Variants in HS3ST2 observed in about 807,000 individuals in gnomAD.
HS3ST2 encodes heparan sulfate-glucosamine 3-sulfotransferase 2, also known as heparan sulfate glucosamine 3-O-sulfotransferase 2.
Under a neutral mutation model 26.3 loss-of-function variants are expected in HS3ST2, and 17 were observed. The ratio of observed to expected loss-of-function variants is 0.65; its 90% CI spans 0.44 to 0.97. The LOEUF (loss-of-function observed/expected upper bound fraction) is 0.97. Among genes scored for constraint, HS3ST2 ranks in the 50% least tolerant of loss-of-function variants. HS3ST2 has a pLI of 0.00. For synonymous variants in HS3ST2, 237 were observed against 219.2 expected (o/e 1.08, Z -0.72); for missense variants, 402 against 501.2 (o/e 0.80, Z 1.89).
intron 1 of HS3ST2, among the ~76,000 whole-genome samples, chr16:22,845,903 G>A (rs1901424548): frequency 6.6e-6 from 1 of 152,200 alleles, no homozygotes; most frequent in Non-Finnish European, 1.5e-5. Flanking sequence ...GTCATTACAA[G>A]ATGGGAAGAC....
intron 1 of HS3ST2, among the ~76,000 whole-genome samples, chr16:22,864,930 A>C (rs1189785707): frequency 6.7e-6 from 1 of 149,608 alleles, no homozygotes; most frequent in Non-Finnish European, 1.5e-5. Flanking sequence ...ACACACCTGT[A>C]GTCCCAGCTA....
At chr16:22,875,204 TAAAG>T (rs978179298) in intron 1 of HS3ST2, among the ~76,000 whole-genome samples, 9 of 151,520 alleles carry the variant, frequency 5.9e-5, no homozygotes, top group Non-Finnish European at 1.2e-4. Context: ...TATAAAGATA[TAAAG>T]AAAGTATTTT....
At chr16:22,853,695 A>G (rs1326793771) in intron 1 of HS3ST2, among the ~76,000 whole-genome samples, 1 of 152,206 alleles carries the variant, frequency 6.6e-6, no homozygotes, top group African/African-American at 2.4e-5. Flanking sequence ...CCATCCTAAG[A>G]AGAGGAGAGA....
chr16:22,908,227 G>A (rs2141747532), intron 1 of HS3ST2, among the ~76,000 whole-genome samples: 1 of 152,202 alleles, frequency 6.6e-6, no homozygotes, highest in East Asian at 1.9e-4. Flanking sequence ...AGGGGATGAG[G>A]GCTTCAATGA....
chr16:22,844,065 C>G (rs890267472), intron 1 of HS3ST2, among the ~76,000 whole-genome samples: 11 of 151,998 alleles, frequency 7.2e-5, no homozygotes, highest in Non-Finnish European at 1.5e-4. Context: ...TAACACCACA[C>G]GTCTTCTTAC....
intron 1 of HS3ST2, among the ~76,000 whole-genome samples, chr16:22,862,247 C>T (rs112042024): frequency 6.7e-6 from 1 of 148,906 alleles, no homozygotes; most frequent in African/African-American, 2.5e-5. Flanking sequence ...GGGTGTGTGT[C>T]TCATTCATGA....
intron 1 of HS3ST2, among the ~76,000 whole-genome samples, chr16:22,860,027 C>G (rs1901652876): frequency 6.6e-6 from 1 of 152,174 alleles, no homozygotes; most frequent in South Asian, 2.1e-4. Flanking sequence ...ACTCAGCCCT[C>G]TTACTGGAAT....
chr16:22,891,824 G>A (rs1374262986), intron 1 of HS3ST2, among the ~76,000 whole-genome samples: 1 of 152,124 alleles, frequency 6.6e-6, no homozygotes, highest in South Asian at 2.1e-4. Flanking sequence ...TCTCTTTGAG[G>A]TTGTTGCTAT....
At chr16:22,828,025 T>C (rs1365168618) in intron 1 of HS3ST2, among the ~76,000 whole-genome samples, 2 of 152,096 alleles carry the variant, frequency 1.3e-5, no homozygotes, top group Non-Finnish European at 2.9e-5. Flanking sequence ...TACTAAGGAC[T>C]TGCTATCTTT....
At chr16:22,861,343 C>T (rs1271199655) in intron 1 of HS3ST2, among the ~76,000 whole-genome samples, 1 of 151,890 alleles carries the variant, frequency 6.6e-6, no homozygotes, top group East Asian at 2.0e-4. Context: ...GGCAGCTGCC[C>T]TGACTGCATC....
intron 1 of HS3ST2, among the ~76,000 whole-genome samples, chr16:22,894,543 C>T (rs374188824): frequency 3.3e-5 from 5 of 152,134 alleles, no homozygotes; most frequent in East Asian, 3.9e-4. Flanking sequence ...GTGACACCTC[C>T]TCTCCCACAG....
intron 1 of HS3ST2, among the ~76,000 whole-genome samples, chr16:22,838,925 C>T (rs1901313670): frequency 6.6e-6 from 1 of 152,142 alleles, no homozygotes. Context: ...CCCTTCACTG[C>T]CCAGCAGCAA....
intron 1 of HS3ST2, among the ~76,000 whole-genome samples, chr16:22,878,892 A>G (rs1203878544): frequency 6.6e-6 from 1 of 152,168 alleles, no homozygotes; most frequent in Non-Finnish European, 1.5e-5. Flanking sequence ...TTGCAAAATA[A>G]TCACTGAGGC....
At chr16:22,831,720 G>A (rs1473625931) in intron 1 of HS3ST2, among the ~76,000 whole-genome samples, 3 of 152,028 alleles carry the variant, frequency 2.0e-5, no homozygotes, top group African/African-American at 4.8e-5. Flanking sequence ...TGCACTGTAT[G>A]TTTCCTTTCT....
intron 1 of HS3ST2, among the ~76,000 whole-genome samples, chr16:22,830,851 T>C (rs1901157927): frequency 6.6e-6 from 1 of 152,242 alleles, no homozygotes; most frequent in Non-Finnish European, 1.5e-5. Context: ...TTACATTATA[T>C]TGAGGTCCAC....
At position 22,895,328 on chromosome 16, in the gene HS3ST2, G is replaced by A. The variant is rs208612; in HGVS notation, c.486-19616G>A. 3.3e-5 allele frequency among the ~76,000 whole-genome samples: 5 copies of A among 151,978 alleles called. No homozygotes were observed. In the South Asian group the frequency reaches 1.0e-3, roughly 32 times the overall value. On this transcript the variant is annotated intron_variant, in intron 1 of 1. Transcript: ENST00000261374. ...TGGTCTTGAACTCCTGACCTCAGGT[G>A]ATCCGCCTGCCTCAGCTTCCCAAAG...
chr16:22,824,590 G>A (rs960460428), intron 1 of HS3ST2, among the ~76,000 whole-genome samples: 3 of 151,998 alleles, frequency 2.0e-5, no homozygotes, highest in Non-Finnish European at 4.4e-5. Context: ...AAACCATGAA[G>A]CTTATACACA....
intron 1 of HS3ST2, among the ~76,000 whole-genome samples, chr16:22,899,679 T>C (rs181882241): frequency 6.6e-6 from 1 of 152,328 alleles, no homozygotes; most frequent in East Asian, 1.9e-4. Flanking sequence ...CTCAGAATCA[T>C]GGCGAAAGGT....
At chr16:22,815,815 C>T (rs942457404) in intron 1 of HS3ST2, among the ~76,000 whole-genome samples, 13 of 152,202 alleles carry the variant, frequency 8.5e-5, no homozygotes, top group African/African-American at 1.7e-4. Flanking sequence ...AGGAAAACAG[C>T]CCTTGCCCTG....
Sources: gnomAD v4.1 joint callset for allele counts (sites outside exome capture counted in the v4.1 genomes callset) on GRCh38, gnomAD v4.1.1 for gene constraint, MANE v1.5 for transcripts, NCBI Gene and HGNC (gene_info 2026-07-23, HGNC 2026-07-21) for gene names.